TMTC2: variants seen among roughly 807,000 people sequenced by gnomAD.
TMTC2 encodes the protein protein O-mannosyl-transferase TMTC2.
Under a neutral mutation model 82.4 loss-of-function variants are expected in TMTC2, and 43 were observed. The observed-to-expected ratio is 0.52, with a 90% CI of 0.41 to 0.67. TMTC2 has a LOEUF of 0.67. Among genes scored for constraint, TMTC2 ranks in the 30% least tolerant of loss-of-function variants. The probability of loss-of-function intolerance (pLI) is 0.00; values close to 1 mark genes in which losing one functional copy is unlikely to be tolerated. For synonymous variants in TMTC2, 408 were observed against 381.9 expected, an observed-to-expected ratio of 1.07 and a Z score of -0.80; for missense variants, 919 against 1,012.4, an observed-to-expected ratio of 0.91 and a Z score of 1.25.
At chr12:83,106,117 CCA>C (rs1565890012) in intron 11 of TMTC2, among the ~76,000 whole-genome samples, 2 of 152,018 alleles carry the variant, frequency 1.3e-5, no homozygotes, top group African/African-American at 4.8e-5. Flanking sequence ...TCTTAGGAGG[CCA>C]CACAGCGAAG....
rs539740136 is a variant in TMTC2, at chr12:83,100,626, C to T, written c.2332-31584C>T. On this transcript the variant is annotated intron_variant, in intron 11 of 11. Coordinates refer to ENST00000321196, the MANE Select transcript of TMTC2 (RefSeq NM_152588.3). ...ATAAGTTTATCAATATCCTTATAAT[C>T]TGAGATTTTTTTTTCAGCAGAAATG... is the stretch of plus-strand genomic sequence containing the variant. Among the ~76,000 whole-genome samples, 14 of 152,070 alleles carry T rather than the reference C, an allele frequency of 9.2e-5. 1 individual carries two copies. The South Asian group carries it at 2.9e-3, about 32-fold the overall frequency.
chr12:82,958,088 C>T (rs899865762), intron 4 of TMTC2, among the ~76,000 whole-genome samples: 1 of 152,038 alleles, frequency 6.6e-6, no homozygotes, highest in Non-Finnish European at 1.5e-5. Flanking sequence ...CCAGGCTGGG[C>T]ACAACGGCTC....
At chr12:82,700,722 A>C (rs538717455) in intron 1 of TMTC2, among the ~76,000 whole-genome samples, 1 of 152,222 alleles carries the variant, frequency 6.6e-6, no homozygotes. Context: ...ATTCTTTACC[A>C]TGATTGACTT....
At chr12:82,735,649 T>C (rs996259165) in intron 1 of TMTC2, among the ~76,000 whole-genome samples, 1 of 141,770 alleles carries the variant, frequency 7.1e-6, no homozygotes, top group Non-Finnish European at 1.5e-5. Context: ...CCAGCCCCCC[T>C]AATTTTGATT....
At chr12:82,876,071 GAT>G (rs1565788802) in intron 2 of TMTC2, among the ~76,000 whole-genome samples, 1,607 of 119,046 alleles carry the variant, frequency 0.013, 74 homozygotes, top group Non-Finnish European at 0.02. Context: ...TGGTGGTGAT[GAT>G]GATGATGGTG....
At chr12:83,095,463 G>A (rs764079208) in intron 11 of TMTC2, among the ~76,000 whole-genome samples, 1 of 151,792 alleles carries the variant, frequency 6.6e-6, no homozygotes, top group African/African-American at 2.4e-5. Context: ...GATGGTCTTG[G>A]TCTCCTGACC....
chr12:82,830,455 C>T (rs945154324), intron 1 of TMTC2, among the ~76,000 whole-genome samples: 1 of 152,026 alleles, frequency 6.6e-6, no homozygotes, highest in Non-Finnish European at 1.5e-5. Flanking sequence ...CACTAGTTTA[C>T]AGATAGCTAG....
At chr12:82,876,467 C>T (rs1872588103) in intron 2 of TMTC2, among the ~76,000 whole-genome samples, 1 of 152,002 alleles carries the variant, frequency 6.6e-6, no homozygotes, top group Non-Finnish European at 1.5e-5. Context: ...TTTTTCCATC[C>T]AAATGAAGAA....
intron 11 of TMTC2, among the ~76,000 whole-genome samples, chr12:83,080,383 C>G (rs141073621): frequency 1.3e-3 from 204 of 151,884 alleles, no homozygotes; most frequent in East Asian, 3.3e-3. Context: ...CTCTCTCTCT[C>G]TCTGTGTGTG....
chr12:82,783,448 ATT>A (rs1444172925), intron 1 of TMTC2, among the ~76,000 whole-genome samples: 1 of 151,984 alleles, frequency 6.6e-6, no homozygotes, highest in African/African-American at 2.4e-5. Flanking sequence ...TTTTGTTGCC[ATT>A]GATCTGACAC....
chr12:83,014,435 C>A (rs1796294), intron 8 of TMTC2, among the ~76,000 whole-genome samples: 1 of 151,716 alleles, frequency 6.6e-6, no homozygotes, highest in Admixed American at 6.6e-5. Flanking sequence ...CGCCTCCCCG[C>A]TTCAAGTGAT....
intron 3 of TMTC2, among the ~76,000 whole-genome samples, chr12:82,907,307 C>CA (rs1464614206): frequency 2.0e-5 from 3 of 151,338 alleles, no homozygotes; most frequent in African/African-American, 7.3e-5. Context: ...ACTAAAAATA[C>CA]AAAAAATTAG....
intron 3 of TMTC2, among the ~76,000 whole-genome samples, chr12:82,925,587 T>C (rs1012405711): frequency 1.3e-5 from 2 of 152,216 alleles, no homozygotes; most frequent in Non-Finnish European, 2.9e-5. Context: ...CAACAGCAAG[T>C]GCTGACTTCA....
At chr12:83,042,580 C>T (rs1009400577) in intron 9 of TMTC2, among the ~76,000 whole-genome samples, 28 of 152,114 alleles carry the variant, frequency 1.8e-4, no homozygotes, top group African/African-American at 6.8e-4. Context: ...TCCCCCGATT[C>T]CTTCTCTCTC....
chr12:83,118,480 C>T (rs1442405648), intron 11 of TMTC2, among the ~76,000 whole-genome samples: 2 of 152,092 alleles, frequency 1.3e-5, no homozygotes, highest in African/African-American at 4.8e-5. Flanking sequence ...CATGTATTGA[C>T]TTGCATATGT....
Position 82,687,528 on chromosome 12 carries a change from T to G in TMTC2, c.-59T>G. The G allele has an allele frequency of 6.6e-7, 1 of 1,525,210 alleles. No homozygotes were observed. Among genetic ancestry groups the G allele is most frequent in the African/African-American group, 1.4e-5 (1 of 73,794 alleles). 94.5% of individuals were successfully genotyped at this position (1,525,210 alleles called of 1,614,324 possible). A position where few individuals can be genotyped will look rare whatever the true frequency, so the allele number is the denominator to read the frequency against. Reference sequence around the variant, plus strand: ...GAAGGTGGAGATTGATGCTTCTGTTTTTTGTTGCCGCTGCTGCCCTCGCGC... The same window carrying G: ...GAAGGTGGAGATTGATGCTTCTGTTGTTTGTTGCCGCTGCTGCCCTCGCGC... On this transcript the variant is annotated 5_prime_UTR_variant, in exon 1 of 12. Transcript: ENST00000321196.
At chr12:82,982,753 T>A (rs1445436356) in intron 7 of TMTC2, among the ~76,000 whole-genome samples, 1 of 151,970 alleles carries the variant, frequency 6.6e-6, no homozygotes, top group Non-Finnish European at 1.5e-5. Context: ...GAGAGCATAA[T>A]TCTCACCTGA....
chr12:82,896,239 A>T lies in TMTC2; in HGVS notation c.1076A>T (p.Glu359Val). 2.5e-6 allele frequency: 4 copies of T among 1,614,088 alleles called. No individual in the cohort carries two copies. The highest frequency in any genetic ancestry group is 3.4e-6 in the Non-Finnish European group (4 of 1,180,016). The change falls in exon 3 of 12, where the codon GAG (glutamate) becomes GTG (valine). Residue 359 changes from glutamate to valine, a missense_variant. By Grantham distance (121) the Glu-to-Val change is moderately radical. Transcript: ENST00000321196. Reference sequence around the variant, plus strand: ...GGACATAGCTGCCTTTCAGATGTGGAGTACCAGAACTCAGAGACTAAGTCC... The same window carrying T: ...GGACATAGCTGCCTTTCAGATGTGGTGTACCAGAACTCAGAGACTAAGTCC... ...ANGHSCLSDV[E>V]YQNSETKSSF...
intron 9 of TMTC2, among the ~76,000 whole-genome samples, chr12:83,042,395 G>A (rs1330842130): frequency 6.6e-6 from 1 of 152,168 alleles, no homozygotes; most frequent in Non-Finnish European, 1.5e-5. Context: ...CTCTAATGAG[G>A]TTGTATTCCT....
Sources: allele counts gnomAD v4.1 joint callset (sites outside exome capture counted in the v4.1 genomes callset), GRCh38; gene constraint gnomAD v4.1.1; transcripts MANE v1.5; gene names NCBI Gene and HGNC (gene_info 2026-07-23, HGNC 2026-07-21).